The following TAMM41 variants were observed in gnomAD, a reference collection of about 807,000 sequenced individuals.
TAMM41 encodes the protein phosphatidate cytidylyltransferase, mitochondrial.
In TAMM41, 36 loss-of-function variants were observed where a neutral mutation model predicts 44.1. The observed-to-expected ratio is 0.82, with a 90% confidence interval of 0.63 to 1.08. The LOEUF (loss-of-function observed/expected upper bound fraction) is 1.08. Among genes scored for constraint, TAMM41 ranks in the 50% least tolerant of loss-of-function variants. The probability of loss-of-function intolerance (pLI) is 0.00; values close to 1 mark genes in which losing one functional copy is unlikely to be tolerated. For missense variants in TAMM41, 417 were observed against 404.3 expected (o/e 1.03, Z -0.27); for synonymous variants, 164 against 153.1 (o/e 1.07, Z -0.53).
the TAMM41 span, among the ~76,000 whole-genome samples, chr3:11,768,904 G>A: frequency 6.6e-6 from 1 of 152,214 alleles, no homozygotes; most frequent in Non-Finnish European, 1.5e-5. Flanking sequence ...TGCAGGAGGA[G>A]GTGACATTTG....
At chr3:11,752,405 G>A in the TAMM41 span, among the ~76,000 whole-genome samples, 1 of 151,946 alleles carries the variant, frequency 6.6e-6, no homozygotes, top group Non-Finnish European at 1.5e-5. Flanking sequence ...ATTTGTCCCT[G>A]CCCACATCCT....
chr3:11,782,580 G>A, the TAMM41 span, among the ~76,000 whole-genome samples: 50 of 151,674 alleles, frequency 3.3e-4, no homozygotes, highest in South Asian at 7.5e-3. Context: ...AAGTGGGATC[G>A]TATCTACGTT....
chr3:11,782,417 C>T, the TAMM41 span, among the ~76,000 whole-genome samples: 1 of 151,770 alleles, frequency 6.6e-6, no homozygotes, highest in East Asian at 1.9e-4. Context: ...GGTGGTGGTG[C>T]GTGCCCATAG....
chr3:11,823,341 C>T (rs1261496887), intron 4 of TAMM41, among the ~76,000 whole-genome samples: 2 of 149,340 alleles, frequency 1.3e-5, no homozygotes, highest in Non-Finnish European at 3.0e-5. Context: ...CTGCAACCTC[C>T]GCCTCCTGGG....
chr3:11,778,426 C>T, the TAMM41 span, among the ~76,000 whole-genome samples: 2 of 152,030 alleles, frequency 1.3e-5, no homozygotes, highest in East Asian at 3.9e-4. Context: ...CAGGGTCTTG[C>T]TATGTTGCCC....
At chr3:11,842,075 T>C (rs1201905652) in intron 2 of TAMM41, among the ~76,000 whole-genome samples, 2 of 152,134 alleles carry the variant, frequency 1.3e-5, no homozygotes, top group Admixed American at 6.5e-5. Context: ...GCGTGGGCCT[T>C]TGACCAATGG....
chr3:11,728,654 G>A, the TAMM41 span, among the ~76,000 whole-genome samples: 311 of 152,274 alleles, frequency 2.0e-3, 3 homozygotes, highest in African/African-American at 7.1e-3. Context: ...CCCCTCTGGC[G>A]ATTAGTCGAA....
intron 4 of TAMM41, among the ~76,000 whole-genome samples, chr3:11,819,765 A>C (rs2078436939): frequency 6.6e-6 from 1 of 152,166 alleles, no homozygotes; most frequent in South Asian, 2.1e-4. Flanking sequence ...AAAACAAAAA[A>C]AACTTCATAA....
At chr3:11,733,001 TTTG>T in the TAMM41 span, among the ~76,000 whole-genome samples, 4 of 35,100 alleles carry the variant, frequency 1.1e-4, no homozygotes, top group Non-Finnish European at 3.0e-4. Context: ...TTTTTTTTTG[TTTG>T]TTTGTTTGTT....
At chr3:11,836,148 G>A (rs573704693) in intron 3 of TAMM41, among the ~76,000 whole-genome samples, 19 of 151,834 alleles carry the variant, frequency 1.3e-4, no homozygotes, top group Admixed American at 2.6e-4. Flanking sequence ...ATGCCGCAAC[G>A]CCCAGTTAAT....
chr3:11,727,210 A>C, the TAMM41 span, among the ~76,000 whole-genome samples: 1 of 152,294 alleles, frequency 6.6e-6, no homozygotes, highest in African/African-American at 2.4e-5. Flanking sequence ...TTACTTGTCC[A>C]AGGTCTTAAA....
chr3:11,757,549 GCAAA>G, the TAMM41 span, among the ~76,000 whole-genome samples: 7 of 152,168 alleles, frequency 4.6e-5, no homozygotes, highest in Non-Finnish European at 8.8e-5. Context: ...CTTCCAACCA[GCAAA>G]CAGAGTTGGC....
At chr3:11,732,418 G>C in the TAMM41 span, among the ~76,000 whole-genome samples, 1 of 152,082 alleles carries the variant, frequency 6.6e-6, no homozygotes, top group Non-Finnish European at 1.5e-5. Context: ...CTGTCAGTAA[G>C]ACAAGCAAGG....
At chr3:11,816,440 A>G (rs761842125) in intron 5 of TAMM41, among the ~76,000 whole-genome samples, 2 of 152,230 alleles carry the variant, frequency 1.3e-5, no homozygotes, top group Non-Finnish European at 2.9e-5. Flanking sequence ...ATACAAACAT[A>G]TACAAAAGTA....
At chr3:11,822,358 T>G (rs1257768385) in intron 4 of TAMM41, among the ~76,000 whole-genome samples, 1 of 152,234 alleles carries the variant, frequency 6.6e-6, no homozygotes. Flanking sequence ...ATTCAGTATT[T>G]TTAATTCTGT....
the TAMM41 span, among the ~76,000 whole-genome samples, chr3:11,774,256 CAG>C: frequency 6.6e-6 from 1 of 152,202 alleles, no homozygotes; most frequent in Non-Finnish European, 1.5e-5. Context: ...CTGGATAAAA[CAG>C]AGCCAGGCAG....
the TAMM41 span, among the ~76,000 whole-genome samples, chr3:11,782,869 T>C: frequency 7.2e-5 from 11 of 152,238 alleles, no homozygotes; most frequent in Middle Eastern, 3.2e-3. Context: ...CTTAGTTTAA[T>C]GCAGCATCTG....
chr3:11,778,837 G>T, the TAMM41 span, among the ~76,000 whole-genome samples: 6 of 151,940 alleles, frequency 3.9e-5, no homozygotes, highest in South Asian at 4.2e-4. Context: ...TTTTTAATAA[G>T]GTTGTCTTTA....
At chr3:11,745,156 C>A in the TAMM41 span, among the ~76,000 whole-genome samples, 1 of 152,146 alleles carries the variant, frequency 6.6e-6, no homozygotes, top group African/African-American at 2.4e-5. Context: ...AGCCACCACA[C>A]CCGGCCTACA....
Sources: allele counts gnomAD v4.1 joint callset (sites outside exome capture counted in the v4.1 genomes callset), GRCh38; gene constraint gnomAD v4.1.1; transcripts MANE v1.5; gene names NCBI Gene and HGNC (gene_info 2026-07-23, HGNC 2026-07-21).